NHSL2: variants seen among roughly 807,000 people sequenced by gnomAD.
The protein encoded by NHSL2 is NHS-like protein 2.
A neutral mutation model predicts 53.4 loss-of-function variants in NHSL2; 27 were observed. That is an observed-to-expected ratio of 0.51 (90% CI 0.37 to 0.70). The LOEUF (loss-of-function observed/expected upper bound fraction) is 0.70. NHSL2 is among the 30% of genes least tolerant of loss of function. NHSL2 has a pLI of 0.00. For synonymous variants in NHSL2, 408 were observed against 404.1 expected (o/e 1.01, Z -0.12); for missense variants, 892 against 980.1 (o/e 0.91, Z 1.20).
intron 2 of NHSL2, 117 bp from the exon 3 acceptor site, chrX:72,133,974 A>G: frequency 1.3e-6 from 1 of 757,301 alleles, no homozygotes; most frequent in Admixed American, 3.6e-5. Context: ...AATAGCCTAA[A>G]GAAAATGCAA....
rs779170388 is a variant in NHSL2, at chrX:71,939,835, G to A, written c.280+28468G>A. 3.4e-4 allele frequency among the ~76,000 whole-genome samples: 38 copies of A among 112,480 alleles called. 1 individual carries two copies. In the South Asian group the frequency reaches 0.013, roughly 39 times the overall value. On this transcript the variant is annotated intron_variant, in intron 1 of 7. Coordinates refer to ENST00000633930, the MANE Select transcript of NHSL2 (RefSeq NM_001013627.3). Reference sequence around the variant, plus strand: ...AATGTTAGCTATTATAGGCAACAAGGAAGAGGAACAGGCTTCATAGGAATG... The same window carrying A: ...AATGTTAGCTATTATAGGCAACAAGAAAGAGGAACAGGCTTCATAGGAATG...
At chrX:71,951,670 ACTG>A (rs1324962082) in intron 1 of NHSL2, among the ~76,000 whole-genome samples, 1 of 112,144 alleles carries the variant, frequency 8.9e-6, no homozygotes, top group Admixed American at 9.4e-5. Flanking sequence ...TGTTGATGAA[ACTG>A]CGCATTTAGT....
intron 1 of NHSL2, among the ~76,000 whole-genome samples, chrX:72,046,898 A>G (rs1453330852): frequency 1.8e-5 from 2 of 110,850 alleles, no homozygotes; most frequent in Non-Finnish European, 1.9e-5. Flanking sequence ...AACATTATTA[A>G]TTTGGTATTG....
At chrX:72,112,627 G>C (rs2042102654) in intron 1 of NHSL2, among the ~76,000 whole-genome samples, 1 of 111,928 alleles carries the variant, frequency 8.9e-6, no homozygotes, top group South Asian at 3.7e-4. Flanking sequence ...TTTGTTGCTG[G>C]CTTCTTTCAC....
intron 1 of NHSL2, among the ~76,000 whole-genome samples, chrX:72,092,664 G>A (rs2041908825): frequency 8.9e-6 from 1 of 112,108 alleles, no homozygotes; most frequent in Non-Finnish European, 1.9e-5. Flanking sequence ...CTCTGTTCAG[G>A]AGGAGGCTGT....
At chrX:72,123,347 T>A (rs984430101) in intron 1 of NHSL2, among the ~76,000 whole-genome samples, 2 of 111,932 alleles carry the variant, frequency 1.8e-5, no homozygotes, top group Non-Finnish European at 3.8e-5. Flanking sequence ...CAAAAGCAGG[T>A]CTACAAGTCT....
At chrX:71,975,835 G>A (rs1403934636) in intron 1 of NHSL2, among the ~76,000 whole-genome samples, 1 of 111,790 alleles carries the variant, frequency 8.9e-6, no homozygotes, top group African/African-American at 3.3e-5. Flanking sequence ...TAACAGCCCA[G>A]TGCTGCCAGA....
At chrX:71,948,524 C>T (rs1194839368) in intron 1 of NHSL2, among the ~76,000 whole-genome samples, 3 of 111,317 alleles carry the variant, frequency 2.7e-5, no homozygotes, top group African/African-American at 6.5e-5. Context: ...AGTTTTTACT[C>T]TTCTGAATTA....
intron 1 of NHSL2, among the ~76,000 whole-genome samples, chrX:72,030,391 C>T (rs2042208218): frequency 8.9e-6 from 1 of 112,227 alleles, no homozygotes; most frequent in East Asian, 2.8e-4. Flanking sequence ...TCAATCACAG[C>T]TTTGTGCACA....
chrX:72,083,325 G>A (rs1250941207), intron 1 of NHSL2, among the ~76,000 whole-genome samples: 1 of 113,073 alleles, frequency 8.8e-6, no homozygotes, highest in African/African-American at 3.2e-5. Context: ...TGGCAGGGAG[G>A]GAACTCCAAG....
intron 1 of NHSL2, chrX:72,131,837 G>A: frequency 4.0e-6 from 1 of 250,706 alleles, no homozygotes. Flanking sequence ...CGGTGGCGGC[G>A]GCGACCGCGC....
intron 1 of NHSL2, among the ~76,000 whole-genome samples, chrX:71,969,787 A>G (rs1016612313): frequency 6.3e-5 from 7 of 111,987 alleles, no homozygotes; most frequent in Admixed American, 5.7e-4. Flanking sequence ...TTCTTTTTAA[A>G]CTAATTGCTC....
At chrX:72,096,089 G>A (rs1292041077) in intron 1 of NHSL2, among the ~76,000 whole-genome samples, 1 of 108,993 alleles carries the variant, frequency 9.2e-6, no homozygotes, top group African/African-American at 3.4e-5. Context: ...CAAGCAGAAG[G>A]GAGATGCAGT....
intron 1 of NHSL2, among the ~76,000 whole-genome samples, chrX:72,017,939 G>A (rs1364904835): frequency 9.1e-6 from 1 of 110,286 alleles, no homozygotes; most frequent in Non-Finnish European, 1.9e-5. Flanking sequence ...AGACCCTGCT[G>A]AGCCTGCTGG....
intron 1 of NHSL2, among the ~76,000 whole-genome samples, chrX:72,084,355 G>C (rs922120661): frequency 4.5e-5 from 5 of 112,330 alleles, no homozygotes; most frequent in African/African-American, 1.6e-4. Context: ...GGGGTCTGCA[G>C]GTCACATGCG....
intron 1 of NHSL2, among the ~76,000 whole-genome samples, chrX:72,073,218 G>A (rs952540311): frequency 1.8e-4 from 20 of 111,576 alleles, no homozygotes; most frequent in African/African-American, 5.9e-4. Context: ...CTGCAGCAGG[G>A]AAAGGATGAG....
At chrX:72,007,486 T>G (rs2147889821) in intron 1 of NHSL2, among the ~76,000 whole-genome samples, 1 of 112,503 alleles carries the variant, frequency 8.9e-6, no homozygotes, top group Admixed American at 9.3e-5. Flanking sequence ...GAGTTCTTCT[T>G]AAGGGCACCA....
chrX:72,040,044 A>G (rs2042265048), intron 1 of NHSL2, among the ~76,000 whole-genome samples: 1 of 112,589 alleles, frequency 8.9e-6, no homozygotes, highest in Non-Finnish European at 1.9e-5. Context: ...AGCAAGTGCA[A>G]CATTCATACC....
intron 1 of NHSL2, among the ~76,000 whole-genome samples, chrX:72,046,336 T>C (rs2042305754): frequency 8.9e-6 from 1 of 111,945 alleles, no homozygotes; most frequent in Non-Finnish European, 1.9e-5. Flanking sequence ...CAGCTCCATA[T>C]ACTGAGTAGA....
Sources: allele counts gnomAD v4.1 joint callset (sites outside exome capture counted in the v4.1 genomes callset), GRCh38; gene constraint gnomAD v4.1.1; transcripts MANE v1.5; gene names NCBI Gene and HGNC (gene_info 2026-07-23, HGNC 2026-07-21).